Variants in DNAH17 observed in about 807,000 individuals in gnomAD.
DNAH17 encodes the protein dynein axonemal heavy chain 17.
In DNAH17, 376 loss-of-function variants were observed where a neutral mutation model predicts 485.6. The observed-to-expected ratio is 0.77, with a 90% CI of 0.71 to 0.84. The LOEUF (loss-of-function observed/expected upper bound fraction) is 0.84, where lower values mean the gene tolerates loss of function less well. Among genes scored for constraint, DNAH17 ranks in the 40% least tolerant of loss-of-function variants. The pLI is 0.00. For synonymous variants in DNAH17, 3,031 were observed against 2,405.9 expected (o/e 1.26, Z -7.60); for missense variants, 6,370 against 5,839.3 (o/e 1.09, Z -2.96).
rs762953641 is a variant in DNAH17 at position 78,486,400 on chromosome 17, C to CA, written c.6924dup (p.Gly2309TrpfsTer69). The CA allele has an allele frequency of 6.2e-7, 1 of 1,613,862 alleles. No homozygotes were observed. Among genetic ancestry groups the CA allele is most frequent in the Non-Finnish European group, 8.5e-7 (1 of 1,179,882 alleles). On this transcript the variant is annotated frameshift_variant, in exon 45 of 81. Transcript: ENST00000389840. LOFTEE classifies it high-confidence loss of function. Reference sequence around the variant, plus strand: ...GGCACTGGCGTGATCTTCTTGAACCCAAAGCGCAACTTGTCCAGGCACGTG... The same window carrying CA: ...GGCACTGGCGTGATCTTCTTGAACCCAAAAGCGCAACTTGTCCAGGCACGTG...
chr17:78,480,595 C>T (rs970195075), intron 49 of DNAH17, 89 bp downstream of exon 49: 9 of 1,126,844 alleles, frequency 8.0e-6, no homozygotes, highest in South Asian at 4.8e-5. Flanking sequence ...GCAGCCCTAA[C>T]ACCCTAAACC....
chr17:78,484,772 A>C, intron 48 of DNAH17, 96 bp downstream of exon 48: 1 of 277,378 alleles, frequency 3.6e-6, no homozygotes, highest in South Asian at 6.5e-5. Flanking sequence ...GTCCTGCCCT[A>C]CTGCCCTGGG....
chr17:78,430,646 T>C (rs111985344), intron 75 of DNAH17, among the ~76,000 whole-genome samples: 3,191 of 151,994 alleles, frequency 0.021, 113 homozygotes, highest in African/African-American at 0.073. Flanking sequence ...AATGGTGCAG[T>C]CTCTGCTCAC....
At chr17:78,569,316 C>T (rs1321725794) in intron 8 of DNAH17, 59 bp downstream of exon 8, 9 of 1,601,842 alleles carry the variant, frequency 5.6e-6, no homozygotes, top group East Asian at 4.5e-5. Context: ...TATCAAATAT[C>T]GGGGCTCATA....
At position 78,499,085 on chromosome 17, in the gene DNAH17, C is replaced by T. The variant is rs1408095981; in HGVS notation, c.5668G>A (p.Ala1890Thr). ...KSCGNIYKGL[A>T]QTGAWGCFDE... ...AAGCAGCCCCAGGCTCCCGTCTGGG[C>T]CAGGCCCTTGTAGATATTTCCACAG... The change falls in exon 37 of 81, where the codon GCC becomes ACC. Residue 1890 changes from alanine to threonine, a missense_variant. Transcript: ENST00000389840. The T allele has an allele frequency of 4.4e-6, 7 of 1,605,970 alleles. No individual in the cohort carries two copies. The highest frequency in any genetic ancestry group is 1.7e-4 in the Middle Eastern group (1 of 6,044).
chr17:78,570,879 GAAA>G, intron 6 of DNAH17, 66 bp downstream of exon 6: 2 of 484,774 alleles, frequency 4.1e-6, no homozygotes, highest in South Asian at 2.6e-5. Flanking sequence ...AAAAAAAAAA[GAAA>G]AAAGAAAAGA....
intron 75 of DNAH17, among the ~76,000 whole-genome samples, chr17:78,431,401 G>A (rs916195326): frequency 2.0e-5 from 3 of 152,078 alleles, no homozygotes; most frequent in Middle Eastern, 3.4e-3. Context: ...GCTTCCCGCA[G>A]GGGGTGGGGG....
rs370344478 is a variant in DNAH17, at chr17:78,480,013, CTTTTTTTTTTTTTTTTTTTTT to C, written c.7753-402_7753-382del. Among the ~76,000 whole-genome samples, 40 of 70,534 alleles carry C rather than the reference CTTTTTTTTTTTTTTTTTTTTT, an allele frequency of 5.7e-4. 3 individuals are homozygous for C. Among genetic ancestry groups the C allele is most frequent in the African/African-American group, 9.3e-4 (22 of 23,652 alleles). 46.3% of individuals were successfully genotyped at this position (70,534 alleles called of 152,430 possible). A position where few individuals can be genotyped will look rare whatever the true frequency, so the allele number is the denominator to read the frequency against. On this transcript the variant is annotated intron_variant, in intron 49 of 80. Transcript: ENST00000389840. ...CTGAATTTCAGATAAACAACAAGTA[CTTTTTTTTTTTTTTTTTTTTT>C]TTTTTTTTTTTTTTTAAAAAAAGTA...
intron 1 of DNAH17, among the ~76,000 whole-genome samples, chr17:78,575,385 G>C (rs559239067): frequency 1.9e-4 from 29 of 152,334 alleles, no homozygotes; most frequent in Admixed American, 2.6e-4. Flanking sequence ...GCTGGAGAAA[G>C]AGAGAAAAGG....
intron 32 of DNAH17, 88 bp downstream of exon 32, chr17:78,502,798 C>A: frequency 6.3e-7 from 1 of 1,588,350 alleles, no homozygotes; most frequent in Non-Finnish European, 8.6e-7. Flanking sequence ...TCCAGGGGAC[C>A]ACAGTTAACA....
At chr17:78,435,767 A>G (rs1271834496) in intron 74 of DNAH17, among the ~76,000 whole-genome samples, 2 of 152,168 alleles carry the variant, frequency 1.3e-5, no homozygotes, top group East Asian at 3.9e-4. Context: ...TGCTGACCTC[A>G]GGGCTGCTGT....
At chr17:78,541,990 A>G (rs1332297302) in intron 17 of DNAH17, among the ~76,000 whole-genome samples, 1 of 152,026 alleles carries the variant, frequency 6.6e-6, no homozygotes, top group Admixed American at 6.6e-5. Flanking sequence ...CGATCTTTAG[A>G]GCAATGATGT....
chr17:78,557,665 T>TAAAAAAAAAAAAAAAAAAAA (rs2092056440), intron 14 of DNAH17, among the ~76,000 whole-genome samples: 1 of 88,604 alleles, frequency 1.1e-5, no homozygotes. Flanking sequence ...AAAAAAAAAG[T>TAAAAAAAAAAAAAAAAAAAA]AACGTAAGCC....
At chr17:78,448,663 C>T (rs1194667429) in intron 69 of DNAH17, among the ~76,000 whole-genome samples, 4 of 152,224 alleles carry the variant, frequency 2.6e-5, no homozygotes, top group Non-Finnish European at 5.9e-5. Flanking sequence ...ACTGAATCCT[C>T]AGTGCAACAG....
chr17:78,426,818 T>TAC, intron 78 of DNAH17, 108 bp downstream of exon 78: 1 of 1,378,060 alleles, frequency 7.3e-7, no homozygotes, highest in South Asian at 1.3e-5. Context: ...GAGGGAGCAG[T>TAC]ACCATGCTGA....
At chr17:78,446,056 C>CCT (rs909713507) in intron 69 of DNAH17, among the ~76,000 whole-genome samples, 19 of 151,014 alleles carry the variant, frequency 1.3e-4, no homozygotes, top group African/African-American at 4.6e-4. Context: ...TGCCTGTAGT[C>CCT]CTAGCTACTC....
At chr17:78,502,731 T>A in intron 32 of DNAH17, 33 bp from the exon 33 acceptor site, 1 of 1,603,036 alleles carries the variant, frequency 6.2e-7, no homozygotes, top group East Asian at 2.2e-5. Flanking sequence ...GCCCACGCAG[T>A]GAGCGATCGC....
Position 78,454,617 on chromosome 17 carries a change from G to A in DNAH17, c.10259C>T (p.Pro3420Leu). Residue 3420 changes from proline to leucine, a missense_variant, in exon 64 of 81, where the codon CCC becomes CTC. Physicochemically the swap from Pro to Leu is moderately conservative, Grantham distance 98. Coordinates refer to ENST00000389840, the MANE Select transcript of DNAH17 (RefSeq NM_173628.4). ...ATTCTCGGTGGACATGCGGTCGCTG[G>A]GGAGGCCCTGGTTGTTCCAGGTGGC... ...DVATWNNQGLPSDRMSTENAT... is the reference protein window; with the variant it reads ...DVATWNNQGLLSDRMSTENAT... The A allele has an allele frequency of 1.2e-6, 2 of 1,612,428 alleles. No homozygotes were observed. Among genetic ancestry groups the A allele is most frequent in the Non-Finnish European group, 1.7e-6 (2 of 1,179,672 alleles).
At chr17:78,572,968 C>A in intron 2 of DNAH17, 74 bp from the exon 3 acceptor site, 2 of 1,398,674 alleles carry the variant, frequency 1.4e-6, no homozygotes, top group African/African-American at 1.5e-5. Context: ...GCCAGGTCCC[C>A]GGGGGGTTCC....
Sources: gnomAD v4.1 joint callset for allele counts (sites outside exome capture counted in the v4.1 genomes callset) on GRCh38, gnomAD v4.1.1 for gene constraint, MANE v1.5 for transcripts, NCBI Gene and HGNC (gene_info 2026-07-23, HGNC 2026-07-21) for gene names.